TRIP11: variants seen among roughly 807,000 people sequenced by gnomAD.
TRIP11 encodes thyroid receptor-interacting protein 11.
In TRIP11, 148 loss-of-function variants were observed where a neutral mutation model predicts 223.1. That is an observed-to-expected ratio of 0.66 (90% CI 0.58 to 0.76). The LOEUF (loss-of-function observed/expected upper bound fraction) is 0.76. Among genes scored for constraint, TRIP11 ranks in the 30% least tolerant of loss-of-function variants. TRIP11 has a pLI of 0.00. For synonymous variants in TRIP11, 762 were observed against 772.6 expected (o/e 0.99, Z 0.23); for missense variants, 2,043 against 2,222.0 (o/e 0.92, Z 1.62).
At chr14:92,030,487 A>T (rs1277969703) in intron 2 of TRIP11, 1 of 152,148 alleles carries the variant, frequency 6.6e-6, no homozygotes, top group Non-Finnish European at 1.5e-5. Flanking sequence ...TCCCAGGTTC[A>T]AGTGATTCTC....
At chr14:92,022,617 A>G (rs1436115188) in intron 3 of TRIP11, among the ~76,000 whole-genome samples, 1 of 152,242 alleles carries the variant, frequency 6.6e-6, no homozygotes, top group Non-Finnish European at 1.5e-5. Context: ...CCATTCTTGT[A>G]AAAGATTATT....
At chr14:91,990,893 G>C (rs1330947331) in intron 15 of TRIP11, among the ~76,000 whole-genome samples, 4 of 152,186 alleles carry the variant, frequency 2.6e-5, no homozygotes, top group African/African-American at 7.2e-5. Flanking sequence ...AAACCACTAA[G>C]AGTATTAGAT....
At chr14:92,036,398 C>T (rs373966640) in intron 1 of TRIP11, among the ~76,000 whole-genome samples, 2 of 152,108 alleles carry the variant, frequency 1.3e-5, no homozygotes, top group Non-Finnish European at 2.9e-5. Context: ...TCATTTAATC[C>T]TCTCAACCTC....
In TRIP11 at chr14:92,014,316, G is replaced by C. The variant is rs1192847327; in HGVS notation, c.1085C>G (p.Pro362Arg). The stretch of plus-strand genomic sequence containing the variant: ...AGTATCACTTTGCTTCACAGCAGAA[G>C]GCTGCAATTTACTACATTCCAATTT... ...NLKLECSKLQ[P>R]SAVKQSDTMT... The change falls in exon 7 of 21, where the codon CCT becomes CGT. Residue 362 changes from proline (P) to arginine (R), a missense_variant. Transcript: ENST00000267622. The C allele has an allele frequency of 6.2e-7, 1 of 1,614,016 alleles. No individual in the cohort carries two copies. Among genetic ancestry groups the C allele is most frequent in the South Asian group, 1.1e-5 (1 of 91,082 alleles).
intron 11 of TRIP11, among the ~76,000 whole-genome samples, chr14:92,001,656 G>A (rs932697555): frequency 1.2e-4 from 19 of 152,150 alleles, no homozygotes; most frequent in African/African-American, 4.3e-4. Context: ...GCACACTTTA[G>A]ATCTGCAAAG....
Position 92,039,708 on chromosome 14 carries a change from C to T in TRIP11, c.-23G>A. The T allele has an allele frequency of 6.2e-7, 1 of 1,606,706 alleles. No homozygotes were observed. Among genetic ancestry groups the T allele is most frequent in the Non-Finnish European group, 8.5e-7 (1 of 1,176,640 alleles). On this transcript the variant is annotated 5_prime_UTR_variant, in exon 1 of 21. Transcript: ENST00000267622. ...CATCGCGGCGAGTTTAGAGAACGAC[C>T]CGGTCCGCTCGGAAAAAAGAAAACG...
At chr14:91,973,523 T>C (rs74071673) in intron 19 of TRIP11, among the ~76,000 whole-genome samples, 2,016 of 152,314 alleles carry the variant, frequency 0.013, 30 homozygotes, top group African/African-American at 0.045. Context: ...TAAAAAATTA[T>C]ATGAAAGGAA....
chr14:92,024,275 G>A lies in TRIP11; in HGVS notation c.312+1035C>T, dbSNP rs372352901. Among the ~76,000 whole-genome samples, 76 of 151,682 alleles carry A rather than the reference G, an allele frequency of 5.0e-4. 1 individual carries two copies. Among genetic ancestry groups the A allele is most frequent in the African/African-American group, 1.6e-3 (65 of 41,376 alleles). ...TGCCTGTAATCCCAGCTACTCAGGC[G>A]GCACGAGAATTGCTTGAACCGGGAT... is the stretch of plus-strand genomic sequence containing the variant. On this transcript the variant is annotated intron_variant, in intron 3 of 20. Transcript: ENST00000267622.
rs2056901090 is a variant in TRIP11 at position 92,006,243 on chromosome 14, T to C, written c.1733A>G (p.Lys578Arg). ...EVALNDLHLTKQKLEDKVENL... is the reference protein window; with the variant it reads ...EVALNDLHLTRQKLEDKVENL... ...TTCTACTTTGTCCTCAAGTTTCTGC[T>C]TGGTTAAATGTAAATCATTTAGGGC... Residue 578 changes from lysine to arginine, a missense_variant, in exon 11 of 21, where the codon AAG (lysine) becomes AGG (arginine). Transcript: ENST00000267622. 1 of 1,613,176 alleles carries C rather than the reference T, an allele frequency of 6.2e-7. No individual in the cohort carries two copies. Among genetic ancestry groups the C allele is most frequent in the Non-Finnish European group, 8.5e-7 (1 of 1,179,734 alleles).
intron 3 of TRIP11, among the ~76,000 whole-genome samples, chr14:92,024,531 G>A (rs1436715872): frequency 1.3e-5 from 2 of 151,896 alleles, no homozygotes; most frequent in East Asian, 1.9e-4. Flanking sequence ...TATCTTTAAC[G>A]TGCTATACTT....
intron 13 of TRIP11, among the ~76,000 whole-genome samples, chr14:91,998,543 C>A (rs1197091989): frequency 6.6e-6 from 1 of 151,854 alleles, no homozygotes; most frequent in Non-Finnish European, 1.5e-5. Flanking sequence ...ATATTATAAT[C>A]TCAGTTTTGC....
At position 92,039,329 on chromosome 14, in the gene TRIP11, T is replaced by C. The variant is rs17127893; in HGVS notation, c.139+218A>G. On this transcript the variant is annotated intron_variant, in intron 1 of 20. Coordinates refer to ENST00000267622, the MANE Select transcript of TRIP11 (RefSeq NM_004239.4). ...ACTGTACTTTGAGATATCCAGAATA[T>C]TTAAAGAGAGGAGAACCAGGACTCT... Among the ~76,000 whole-genome samples the C allele has an allele frequency of 6.7e-3, 1,025 of 152,220 alleles. 10 individuals carry two copies. Among genetic ancestry groups the C allele is most frequent in the African/African-American group, 0.023 (962 of 41,524 alleles).
chr14:92,002,388 G>C (rs1402197730), intron 11 of TRIP11, among the ~76,000 whole-genome samples: 1 of 151,922 alleles, frequency 6.6e-6, no homozygotes, highest in East Asian at 1.9e-4. Flanking sequence ...GACAGAACTG[G>C]GATTAGAATA....
intron 10 of TRIP11, among the ~76,000 whole-genome samples, chr14:92,007,315 C>A (rs1161306247): frequency 1.3e-5 from 2 of 152,202 alleles, no homozygotes; most frequent in South Asian, 4.1e-4. Context: ...TGAGCCACTG[C>A]GCCCGGCATG....
chr14:92,006,929 A>G (rs915012145), intron 10 of TRIP11, among the ~76,000 whole-genome samples: 2 of 152,114 alleles, frequency 1.3e-5, no homozygotes, highest in African/African-American at 2.4e-5. Flanking sequence ...CAGCCTCCCA[A>G]AGTGTTGGGA....
intron 15 of TRIP11, among the ~76,000 whole-genome samples, chr14:91,991,816 C>T (rs1049371866): frequency 3.3e-5 from 5 of 151,922 alleles, no homozygotes; most frequent in African/African-American, 1.2e-4. Context: ...GGTGCGGTGG[C>T]TCACGCCTGT....
rs1043121182 is a variant in TRIP11, at chr14:92,005,457, T to A, written c.2519A>T (p.Lys840Ile). 1.2e-6 allele frequency: 2 copies of A among 1,614,138 alleles called. No individual in the cohort carries two copies. The highest frequency in any genetic ancestry group is 1.7e-6 in the Non-Finnish European group (2 of 1,180,034). The part of the protein sequence containing the change: ...ELDKYSQALR[K>I]NEILRQTIEE... Reference sequence around the variant, plus strand: ...TATGGTCTGTCTTAAAATTTCATTTTTTCTTAAGGCCTGAGAATATTTATC... The same window carrying A: ...TATGGTCTGTCTTAAAATTTCATTTATTCTTAAGGCCTGAGAATATTTATC... Residue 840 changes from lysine (K) to isoleucine (I), a missense_variant, in exon 11 of 21, where the codon AAA (lysine) becomes ATA (isoleucine). Coordinates refer to ENST00000267622, the MANE Select transcript of TRIP11 (RefSeq NM_004239.4).
chr14:91,977,240 T>G (rs2056476870), intron 16 of TRIP11: 1 of 454,664 alleles, frequency 2.2e-6, no homozygotes, highest in Non-Finnish European at 4.4e-6. Flanking sequence ...CTCACTTTCT[T>G]GATGATATCT....
Position 92,000,028 on chromosome 14 carries a change from T to C in TRIP11, c.4638A>G (p.Arg1546=), listed in dbSNP as rs1425886449. The C allele has an allele frequency of 8.1e-6, 13 of 1,613,910 alleles. No homozygotes were observed. Among genetic ancestry groups the C allele is most frequent in the Non-Finnish European group, 1.1e-5 (13 of 1,179,970 alleles). Residue 1546 remains arginine, a synonymous_variant, in exon 12 of 21, where the codon AGA becomes AGG. Coordinates refer to ENST00000267622, the MANE Select transcript of TRIP11 (RefSeq NM_004239.4). ...QEKTVVFQQE[R]DQVMLALKQK... ...GTTTCAGGGCCAACATGACTTGGTC[T>C]CTCTCCTGTTGAAACACAACTGTCT...
Sources: allele counts gnomAD v4.1 joint callset (sites outside exome capture counted in the v4.1 genomes callset), GRCh38; gene constraint gnomAD v4.1.1; transcripts MANE v1.5; gene names NCBI Gene and HGNC (gene_info 2026-07-23, HGNC 2026-07-21).